Variants in FHIT observed in about 807,000 individuals in gnomAD.
FHIT encodes the protein bis(5'-adenosyl)-triphosphatase.
Under a neutral mutation model 17.9 loss-of-function variants are expected in FHIT, and 19 were observed. The ratio of observed to expected loss-of-function variants is 1.06; its 90% confidence interval spans 0.74 to 1.56. FHIT has a LOEUF of 1.56. Among genes scored for constraint, FHIT ranks in the 40% most tolerant of loss-of-function variants. The pLI, the probability that FHIT is intolerant of heterozygous loss-of-function variation, is 0.00. For synonymous variants in FHIT, 81 were observed against 69.7 expected (o/e 1.16, Z -0.81); for missense variants, 248 against 189.2 (o/e 1.31, Z -1.82).
intron 3 of FHIT, among the ~76,000 whole-genome samples, chr3:60,834,518 T>C (rs797033729): frequency 3.3e-5 from 5 of 151,682 alleles, no homozygotes; most frequent in African/African-American, 9.6e-5. Context: ...AGATATGTAG[T>C]TTGCAAATAT....
At chr3:61,101,020 T>C (rs2035804187) in intron 2 of FHIT, among the ~76,000 whole-genome samples, 1 of 152,258 alleles carries the variant, frequency 6.6e-6, no homozygotes, top group Non-Finnish European at 1.5e-5. Flanking sequence ...GCTGGTTTAC[T>C]CTGAAGGTAG....
intron 4 of FHIT, among the ~76,000 whole-genome samples, chr3:60,584,151 C>T (rs1315574184): frequency 2.0e-5 from 3 of 152,034 alleles, no homozygotes; most frequent in Admixed American, 6.6e-5. Context: ...CATCTCCTAT[C>T]AGCTCATAGA....
At chr3:60,493,701 A>G (rs2034164891) in intron 5 of FHIT, among the ~76,000 whole-genome samples, 1 of 152,186 alleles carries the variant, frequency 6.6e-6, no homozygotes, top group African/African-American at 2.4e-5. Flanking sequence ...AAATATTGCA[A>G]ATTGAAACAA....
At chr3:61,227,266 C>G (rs965663389) in intron 1 of FHIT, among the ~76,000 whole-genome samples, 2 of 152,088 alleles carry the variant, frequency 1.3e-5, no homozygotes, top group African/African-American at 4.8e-5. Context: ...ATTGTCTTTC[C>G]TTATTTCAAT....
At chr3:60,432,934 T>C (rs1358917894) in intron 5 of FHIT, among the ~76,000 whole-genome samples, 1 of 151,582 alleles carries the variant, frequency 6.6e-6, no homozygotes, top group East Asian at 1.9e-4. Context: ...TTTTTTACTG[T>C]GATAACACTT....
At chr3:60,782,097 G>T (rs782238097) in intron 4 of FHIT, among the ~76,000 whole-genome samples, 3 of 152,110 alleles carry the variant, frequency 2.0e-5, no homozygotes, top group Admixed American at 6.5e-5. Flanking sequence ...ACTTGTAAGT[G>T]AGAACATATG....
At position 60,553,456 on chromosome 3, in the gene FHIT, A is replaced by G. The variant is rs996707937; in HGVS notation, c.-17-16477T>C. 7.0e-5 allele frequency: 26 copies of G among 369,552 alleles called. No homozygotes were observed. In the East Asian group the frequency reaches 1.8e-3, roughly 26 times the overall value. The allele number at this position is 369,552 out of a possible 1,614,324, so 22.9% of individuals were successfully genotyped here. Reference sequence around the variant, plus strand: ...ACTGCTTTAAAATATATATATATATATATTTTATATTTATTTTATATATAA... The same window carrying G: ...ACTGCTTTAAAATATATATATATATGTATTTTATATTTATTTTATATATAA... On this transcript the variant is annotated intron_variant, in intron 4 of 9. Coordinates refer to ENST00000492590, the MANE Select transcript of FHIT (RefSeq NM_002012.4).
intron 5 of FHIT, among the ~76,000 whole-genome samples, chr3:60,485,962 T>C (rs369407445): frequency 6.6e-6 from 1 of 152,118 alleles, no homozygotes; most frequent in South Asian, 2.1e-4. Context: ...GTCAAAGATA[T>C]GGTTATTTCA....
intron 8 of FHIT, among the ~76,000 whole-genome samples, chr3:59,752,648 A>G (rs896020549): frequency 6.6e-6 from 1 of 152,146 alleles, no homozygotes; most frequent in Non-Finnish European, 1.5e-5. Context: ...TGACTGGACC[A>G]TCAAGGCAGA....
At chr3:60,266,795 A>G (rs1381203284) in intron 5 of FHIT, among the ~76,000 whole-genome samples, 1 of 152,130 alleles carries the variant, frequency 6.6e-6, no homozygotes, top group East Asian at 1.9e-4. Flanking sequence ...TGAAAGTGCC[A>G]GAATACCAGA....
At chr3:60,896,531 G>T (rs184120577) in intron 3 of FHIT, among the ~76,000 whole-genome samples, 2 of 152,122 alleles carry the variant, frequency 1.3e-5, no homozygotes, top group Admixed American at 1.3e-4. Context: ...TCCTACAATG[G>T]ATACAAAGTA....
intron 5 of FHIT, among the ~76,000 whole-genome samples, chr3:60,496,608 C>G (rs2034310156): frequency 6.6e-6 from 1 of 152,114 alleles, no homozygotes; most frequent in Non-Finnish European, 1.5e-5. Flanking sequence ...AAATGTGTAC[C>G]TTACAACATG....
chr3:60,739,141 CA>C (rs1272391270), intron 4 of FHIT, among the ~76,000 whole-genome samples: 1 of 152,196 alleles, frequency 6.6e-6, no homozygotes, highest in Non-Finnish European at 1.5e-5. Flanking sequence ...CCATCCATCC[CA>C]TTGAGAGCCA....
chr3:60,138,785 T>G (rs187957086), intron 5 of FHIT, among the ~76,000 whole-genome samples: 2 of 151,786 alleles, frequency 1.3e-5, no homozygotes, highest in African/African-American at 4.8e-5. Context: ...CCACGAGGAG[T>G]ACCACTACTT....
intron 2 of FHIT, among the ~76,000 whole-genome samples, chr3:61,104,236 T>C (rs1182607971): frequency 2.0e-5 from 3 of 152,212 alleles, no homozygotes; most frequent in Admixed American, 6.5e-5. Flanking sequence ...AGTGCTTCCT[T>C]CAGGAGATCT....
At chr3:60,423,369 A>C (rs991716299) in intron 5 of FHIT, among the ~76,000 whole-genome samples, 8 of 152,138 alleles carry the variant, frequency 5.3e-5, no homozygotes, top group Non-Finnish European at 7.4e-5. Context: ...GTATGACATA[A>C]AACATTATAA....
chr3:60,467,792 T>C lies in FHIT; in HGVS notation c.103+69068A>G, dbSNP rs558952730. Among the ~76,000 whole-genome samples the C allele has an allele frequency of 9.2e-5, 14 of 152,238 alleles. No individual in the cohort carries two copies. In the South Asian group the frequency reaches 1.0e-3, roughly 11 times the overall value. Reference sequence around the variant, plus strand: ...CTGAAGAATGTGTACTCTGCAGCCATTGGATAAAATGTTCTGTAAATGTCT... The same window carrying C: ...CTGAAGAATGTGTACTCTGCAGCCACTGGATAAAATGTTCTGTAAATGTCT... On this transcript the variant is annotated intron_variant, in intron 5 of 9. Coordinates refer to ENST00000492590, the MANE Select transcript of FHIT (RefSeq NM_002012.4).
At chr3:60,728,848 A>G (rs1553710353) in intron 4 of FHIT, among the ~76,000 whole-genome samples, 1 of 152,170 alleles carries the variant, frequency 6.6e-6, no homozygotes, top group Non-Finnish European at 1.5e-5. Context: ...AATTTAAATT[A>G]CTTATATAAA....
intron 8 of FHIT, among the ~76,000 whole-genome samples, chr3:59,768,672 C>A (rs1367789373): frequency 6.6e-6 from 1 of 152,164 alleles, no homozygotes; most frequent in East Asian, 1.9e-4. Context: ...CTTATAAAAC[C>A]AAAGCTAGGC....
Sources: allele counts gnomAD v4.1 joint callset (sites outside exome capture counted in the v4.1 genomes callset), GRCh38; gene constraint gnomAD v4.1.1; transcripts MANE v1.5; gene names NCBI Gene and HGNC (gene_info 2026-07-23, HGNC 2026-07-21).